GSK3B: variants seen among roughly 807,000 people sequenced by gnomAD.
GSK3B encodes the protein glycogen synthase kinase-3 beta.
GSK3B carries 15 observed loss-of-function variants against 56.4 expected under a neutral mutation model. The ratio of observed to expected loss-of-function variants is 0.27; its 90% confidence interval spans 0.18 to 0.41. The LOEUF (loss-of-function observed/expected upper bound fraction) is 0.41. Ranked by LOEUF, GSK3B falls within the 10% of genes least tolerant of loss-of-function variation. GSK3B has a pLI of 1.00. For missense variants in GSK3B, 300 were observed against 513.4 expected, an observed-to-expected ratio of 0.58 and a Z score of 4.02; for synonymous variants, 181 against 188.9, an observed-to-expected ratio of 0.96 and a Z score of 0.34.
chr3:119,844,412 T>G (rs1489579798), intron 9 of GSK3B, among the ~76,000 whole-genome samples: 1 of 148,210 alleles, frequency 6.7e-6, no homozygotes, highest in Admixed American at 6.7e-5. Context: ...TTTGAAAAGA[T>G]TAACAAAATA....
At chr3:119,982,751 G>A (rs1237843416) in intron 2 of GSK3B, among the ~76,000 whole-genome samples, 2 of 152,256 alleles carry the variant, frequency 1.3e-5, no homozygotes, top group East Asian at 3.9e-4. Flanking sequence ...AGAAAGTGAT[G>A]GGGAGAAGGG....
chr3:120,028,787 G>A (rs2057951024), intron 1 of GSK3B: 5 of 462,452 alleles, frequency 1.1e-5, no homozygotes, highest in East Asian at 5.8e-5. Flanking sequence ...GCGACCAGGC[G>A]TGGTCTCCGC....
chr3:120,044,144 T>C (rs112432269), intron 1 of GSK3B, among the ~76,000 whole-genome samples: 4,180 of 151,870 alleles, frequency 0.028, 181 homozygotes, highest in African/African-American at 0.092. Context: ...CAGCTAGGAG[T>C]AATAAATCAT....
At chr3:120,068,560 T>C (rs1363218990) in intron 1 of GSK3B, among the ~76,000 whole-genome samples, 3 of 144,202 alleles carry the variant, frequency 2.1e-5, no homozygotes, top group Non-Finnish European at 4.5e-5. Flanking sequence ...AATTAACCAG[T>C]ATGTTGGCGC....
intron 9 of GSK3B, among the ~76,000 whole-genome samples, chr3:119,852,949 T>C (rs2055960476): frequency 6.6e-6 from 1 of 152,240 alleles, no homozygotes. Flanking sequence ...TTGTCTATTT[T>C]GGCTTTTGTT....
chr3:119,901,253 C>T (rs146823474), intron 7 of GSK3B, among the ~76,000 whole-genome samples: 45 of 152,092 alleles, frequency 3.0e-4, no homozygotes, highest in African/African-American at 1.0e-3. Context: ...AGCACATTGT[C>T]TGAGAAGCCC....
intron 2 of GSK3B, among the ~76,000 whole-genome samples, chr3:119,955,016 TAGAAAGTTCTA>T (rs1297749557): frequency 3.5e-4 from 53 of 152,282 alleles, no homozygotes; most frequent in African/African-American, 1.3e-3. Flanking sequence ...TCCCCCATGA[TAGAAAGTTCTA>T]CTTTCATAAA....
Position 120,094,396 on chromosome 3 carries a change from C to T in GSK3B, c.-962G>A. 6.3e-6 allele frequency: 2 copies of T among 319,926 alleles called. No homozygotes were observed. Among genetic ancestry groups the T allele is most frequent in the South Asian group, 4.0e-5 (1 of 25,106 alleles). 19.8% of individuals were successfully genotyped at this position (319,926 alleles called of 1,614,324 possible). A position where few individuals can be genotyped will look rare whatever the true frequency, so the allele number is the denominator to read the frequency against. On this transcript the variant is annotated 5_prime_UTR_variant, in exon 1 of 11. Coordinates refer to ENST00000264235, the MANE Select transcript of GSK3B (RefSeq NM_001146156.2). The stretch of plus-strand genomic sequence containing the variant: ...TGTCACTTGGCCCGGGCGGCGGCGG[C>T]GGCGGCGGCGGCACAAGCCCGCATT...
At chr3:119,907,067 T>C (rs377514644) in intron 6 of GSK3B, among the ~76,000 whole-genome samples, 15 of 152,168 alleles carry the variant, frequency 9.9e-5, no homozygotes, top group African/African-American at 2.9e-4. Flanking sequence ...TGAAAACTTG[T>C]TAGGGAATCT....
At chr3:119,880,925 A>C (rs1172182455) in intron 7 of GSK3B, among the ~76,000 whole-genome samples, 4 of 152,206 alleles carry the variant, frequency 2.6e-5, no homozygotes, top group Non-Finnish European at 4.4e-5. Flanking sequence ...TGACATGAAT[A>C]AATGAGTGTT....
rs527243487 is a variant in GSK3B at position 120,055,563 on chromosome 3, A to G, written c.88+37784T>C. On this transcript the variant is annotated intron_variant, in intron 1 of 10. Transcript: ENST00000264235. ...TGAAAAATCTTTAAGATTTTAGGGC[A>G]ATTTGTTGTAAAACTGGGAGTTAGA... 1.3e-4 allele frequency among the ~76,000 whole-genome samples: 20 copies of G among 152,356 alleles called. No homozygotes were observed. In the East Asian group the frequency reaches 3.9e-3, roughly 29 times the overall value.
At chr3:119,972,814 C>T (rs1576239842) in intron 2 of GSK3B, among the ~76,000 whole-genome samples, 2 of 152,086 alleles carry the variant, frequency 1.3e-5, no homozygotes, top group East Asian at 3.8e-4. Context: ...CTATGAAAAA[C>T]TAGAAGCTTT....
intron 7 of GSK3B, among the ~76,000 whole-genome samples, chr3:119,900,857 T>C (rs2056617397): frequency 6.6e-6 from 1 of 152,128 alleles, no homozygotes. Context: ...AAAGAAAATA[T>C]AGTATATGAA....
intron 1 of GSK3B, among the ~76,000 whole-genome samples, chr3:120,071,927 A>G (rs2058329895): frequency 6.6e-6 from 1 of 152,200 alleles, no homozygotes; most frequent in Admixed American, 6.5e-5. Flanking sequence ...CATGAAACAC[A>G]GGGCTTATTG....
chr3:119,832,470 G>A (rs1032061715), intron 10 of GSK3B, among the ~76,000 whole-genome samples: 1 of 152,198 alleles, frequency 6.6e-6, no homozygotes, highest in Admixed American at 6.5e-5. Context: ...TGTTGGGGGG[G>A]TAAACTAATA....
chr3:120,078,262 A>T (rs1304069934), intron 1 of GSK3B, among the ~76,000 whole-genome samples: 1 of 152,206 alleles, frequency 6.6e-6, no homozygotes, highest in African/African-American at 2.4e-5. Flanking sequence ...ATGTGTTTTT[A>T]ATTAGATATA....
rs750102236 is a variant in GSK3B, at chr3:120,093,371, C to G, written c.64G>C (p.Ala22Pro). The change falls in exon 1 of 11, where the codon GCT (alanine) becomes CCT (proline). Residue 22 changes from alanine (A) to proline (P), a missense_variant. Coordinates refer to ENST00000264235, the MANE Select transcript of GSK3B (RefSeq NM_001146156.2). The stretch of plus-strand genomic sequence containing the variant: ...CTGCTAACTTTCATGCTGCCAAAAG[C>G]TGAAGGCTGCTGCACCGGCTTGCAG... ...ESCKPVQQPS[A>P]FGSMKVSRDK... 1.2e-6 allele frequency: 2 copies of G among 1,613,548 alleles called. No homozygotes were observed. The highest frequency in any genetic ancestry group is 4.5e-5 in the East Asian group (2 of 44,886).
chr3:120,001,357 C>A (rs528942905), intron 2 of GSK3B, among the ~76,000 whole-genome samples: 69 of 152,184 alleles, frequency 4.5e-4, no homozygotes, highest in South Asian at 1.5e-3. Flanking sequence ...CATGGCAAAA[C>A]CCCGTTTCTA....
chr3:119,903,640 C>T (rs985770120), intron 7 of GSK3B, among the ~76,000 whole-genome samples: 6 of 152,128 alleles, frequency 3.9e-5, no homozygotes, highest in African/African-American at 7.2e-5. Flanking sequence ...TAAGGTATTA[C>T]GGCAAGCATG....
Sources: allele counts gnomAD v4.1 joint callset (sites outside exome capture counted in the v4.1 genomes callset), GRCh38; gene constraint gnomAD v4.1.1; transcripts MANE v1.5; gene names NCBI Gene and HGNC (gene_info 2026-07-23, HGNC 2026-07-21).